ERN1: variants seen among roughly 807,000 people sequenced by gnomAD.
The protein encoded by ERN1 is endoplasmic reticulum to nucleus signaling 1, also known as serine/threonine-protein kinase/endoribonuclease IRE1.
Under a neutral mutation model 113.1 loss-of-function variants are expected in ERN1, and 39 were observed. That is an observed-to-expected ratio of 0.34 (90% CI 0.27 to 0.45). The LOEUF is 0.45. Among genes scored for constraint, ERN1 ranks in the 20% least tolerant of loss-of-function variants. The pLI is 1.00. For synonymous variants in ERN1, 507 were observed against 515.9 expected (o/e 0.98, Z 0.23); for missense variants, 976 against 1,274.8 (o/e 0.77, Z 3.57).
Position 64,130,054 on chromosome 17 carries a change from G to C in ERN1, c.-25C>G. 1 of 1,386,206 alleles carries C rather than the reference G, an allele frequency of 7.2e-7. No individual in the cohort carries two copies. Among genetic ancestry groups the C allele is most frequent in the Non-Finnish European group, 9.3e-7 (1 of 1,078,250 alleles). The allele number at this position is 1,386,206 out of a possible 1,614,324, so 85.9% of individuals were successfully genotyped here. A position where few individuals can be genotyped will look rare whatever the true frequency, so the allele number is the denominator to read the frequency against. On this transcript the variant is annotated 5_prime_UTR_variant, in exon 1 of 22. Transcript: ENST00000433197. The surrounding 1 kb of genome is among the most constrained non-coding windows in gnomAD (Gnocchi z 4.0). ...TGGCGAGGACTCGGCCCTGGCTCCG[G>C]GGGCGGTACGGACAGAGGACGGGGC... is the stretch of plus-strand genomic sequence containing the variant.
intron 4 of ERN1, among the ~76,000 whole-genome samples, chr17:64,077,573 G>C (rs532560454): frequency 6.0e-4 from 92 of 152,216 alleles, no homozygotes; most frequent in African/African-American, 2.1e-3. Flanking sequence ...TCACGCTTGT[G>C]AGTCATCCGC....
intron 10 of ERN1, among the ~76,000 whole-genome samples, chr17:64,061,712 C>T (rs903860469): frequency 3.3e-5 from 5 of 152,246 alleles, no homozygotes; most frequent in African/African-American, 1.2e-4. Flanking sequence ...CCACTTCAGA[C>T]CACTGAATCA....
At chr17:64,102,368 C>G (rs776122120) in intron 1 of ERN1, among the ~76,000 whole-genome samples, 17 of 152,182 alleles carry the variant, frequency 1.1e-4, no homozygotes, top group Non-Finnish European at 2.4e-4. Flanking sequence ...TAGAGAGAAG[C>G]TGAATTTGGC....
At chr17:64,050,123 G>C (rs1912637015) in intron 17 of ERN1, among the ~76,000 whole-genome samples, 2 of 152,202 alleles carry the variant, frequency 1.3e-5, no homozygotes, top group Non-Finnish European at 2.9e-5. Flanking sequence ...CAGGGTCACT[G>C]CTGGATGTGA....
chr17:64,071,861 T>C, intron 6 of ERN1, 120 bp downstream of exon 6: 1 of 1,040,456 alleles, frequency 9.6e-7, no homozygotes. Context: ...GAAAATGACA[T>C]GATGGGACCT....
intron 1 of ERN1, among the ~76,000 whole-genome samples, chr17:64,127,517 G>C: frequency 6.6e-6 from 1 of 152,142 alleles, no homozygotes; most frequent in Non-Finnish European, 1.5e-5. Context: ...ATTTTGGAAG[G>C]CCAAGGTGGG....
chr17:64,057,670 C>G (rs1009135876), intron 12 of ERN1, 132 bp downstream of exon 12: 3 of 923,486 alleles, frequency 3.2e-6, no homozygotes, highest in Non-Finnish European at 5.0e-6. Flanking sequence ...GCCCGCCCGG[C>G]CAACAAACAC....
rs1246182843 is a variant in ERN1, at chr17:64,053,278, T to C, written c.2047A>G (p.Asn683Asp). ...TSGLAHLHSL[N>D]IVHRDLKPHN... ...GTAAAGTGCAGCCTCTCACCGATGT[T>C]GAGGGAGTGGAGGTGGGCCAGGCCC... The change falls in exon 16 of 22, where the codon AAC becomes GAC. Residue 683 changes from asparagine to aspartate, a missense_variant. Around this residue, in one of 5 missense-constraint regions of ERN1, gnomAD observed 297 missense variants for 457.8 expected, o/e 0.65. Transcript: ENST00000433197. 6.2e-7 allele frequency: 1 copy of C among 1,606,648 alleles called. No individual in the cohort carries two copies. Among genetic ancestry groups the C allele is most frequent in the Non-Finnish European group, 8.5e-7 (1 of 1,177,454 alleles).
At chr17:64,123,412 T>TC (rs1327022422) in intron 1 of ERN1, among the ~76,000 whole-genome samples, 5 of 152,340 alleles carry the variant, frequency 3.3e-5, no homozygotes, top group African/African-American at 1.2e-4. Context: ...ACAAAGGGTA[T>TC]CATCCAGAGA....
At chr17:64,121,032 G>A (rs1049457878) in intron 1 of ERN1, among the ~76,000 whole-genome samples, 7 of 152,240 alleles carry the variant, frequency 4.6e-5, no homozygotes, top group African/African-American at 9.6e-5. Context: ...CTGCCTTCTC[G>A]GATGAACCAG....
chr17:64,091,778 C>T (rs1366650964), intron 2 of ERN1, among the ~76,000 whole-genome samples: 7 of 152,058 alleles, frequency 4.6e-5, no homozygotes, highest in African/African-American at 9.6e-5. Flanking sequence ...GGGGGGGCGG[C>T]GGTGAGAGAC....
At chr17:64,048,017 T>C (rs767138079) in intron 18 of ERN1, 32 bp from the exon 19 acceptor site, 112 of 1,591,642 alleles carry the variant, frequency 7.0e-5, no homozygotes, top group Middle Eastern at 1.7e-4. Flanking sequence ...AACTCATGAC[T>C]ACCAGTCCAA....
At chr17:64,065,819 C>T (rs1187775276) in intron 8 of ERN1, among the ~76,000 whole-genome samples, 1 of 152,194 alleles carries the variant, frequency 6.6e-6, no homozygotes, top group Non-Finnish European at 1.5e-5. Flanking sequence ...CTTGGTGAGA[C>T]TTCTGGTTCC....
intron 1 of ERN1, among the ~76,000 whole-genome samples, chr17:64,127,333 A>G (rs979476586): frequency 1.3e-5 from 2 of 152,254 alleles, no homozygotes; most frequent in Non-Finnish European, 2.9e-5. Flanking sequence ...ATGATGGCTT[A>G]GAGTAAAAAG....
At chr17:64,050,107 C>T (rs1218877352) in intron 17 of ERN1, among the ~76,000 whole-genome samples, 1 of 152,218 alleles carries the variant, frequency 6.6e-6, no homozygotes, top group African/African-American at 2.4e-5. Context: ...GGTTGCATGA[C>T]AAGCTCAGGG....
Position 64,041,941 on chromosome 17 carries a change from C to T in ERN1, c.*2047G>A, listed in dbSNP as rs1042340158. 2.0e-5 allele frequency: 3 copies of T among 152,190 alleles called. No homozygotes were observed. Among genetic ancestry groups the T allele is most frequent in the African/African-American group, 7.2e-5 (3 of 41,432 alleles). The allele number at this position is 152,190 out of a possible 1,614,324, so 9.4% of individuals were successfully genotyped here. A position where few individuals can be genotyped will look rare whatever the true frequency, so the allele number is the denominator to read the frequency against. The stretch of plus-strand genomic sequence containing the variant: ...AACAGTTGTCTCTAGGCAAGTGGGG[C>T]TAAAACAGGGAGATGACACAAAATT... On this transcript the variant is annotated 3_prime_UTR_variant, in exon 22 of 22. Transcript: ENST00000433197.
intron 1 of ERN1, among the ~76,000 whole-genome samples, chr17:64,127,796 A>G (rs1217334375): frequency 6.6e-6 from 1 of 151,970 alleles, no homozygotes; most frequent in African/African-American, 2.4e-5. Flanking sequence ...AGTAGTAGTA[A>G]AAGAATATGC....
At chr17:64,055,561 G>T in intron 13 of ERN1, 114 bp downstream of exon 13, 1 of 1,017,116 alleles carries the variant, frequency 9.8e-7, no homozygotes, top group Non-Finnish European at 1.4e-6. Context: ...AGTTAGAGGA[G>T]AACACAGTGA....
chr17:64,053,897 T>C lies in ERN1; in HGVS notation c.1953+353A>G, dbSNP rs1912768876. ...GTGGTTAAATGGGTATAGACATTTGTCAAAATTCATCAAGCTATTACATTT... is the reference window on the plus strand; with the variant it reads ...GTGGTTAAATGGGTATAGACATTTGCCAAAATTCATCAAGCTATTACATTT... On this transcript the variant is annotated intron_variant, in intron 15 of 21. Transcript: ENST00000433197. 1.8e-5 allele frequency: 4 copies of C among 217,706 alleles called. No individual in the cohort carries two copies. The South Asian group carries it at 3.1e-4, about 17-fold the overall frequency. The allele number at this position is 217,706 out of a possible 1,614,324, so 13.5% of individuals were successfully genotyped here. A position where few individuals can be genotyped will look rare whatever the true frequency, so the allele number is the denominator to read the frequency against.
Sources: gnomAD v4.1 joint callset for allele counts (sites outside exome capture counted in the v4.1 genomes callset) on GRCh38, gnomAD v4.1.1 for gene constraint, gnomAD v4.1.1 regional missense constraint, Gnocchi (gnomAD v3.1) non-coding constraint, MANE v1.5 for transcripts, NCBI Gene and HGNC (gene_info 2026-07-23, HGNC 2026-07-21) for gene names.